ARHGEF10L: variants seen among roughly 807,000 people sequenced by gnomAD.
The protein encoded by ARHGEF10L is rho guanine nucleotide exchange factor 10-like protein.
A neutral mutation model predicts 141.2 loss-of-function variants in ARHGEF10L; 69 were observed. That is an observed-to-expected ratio of 0.49 (90% CI 0.40 to 0.60). The LOEUF (loss-of-function observed/expected upper bound fraction) is 0.60, where lower values mean the gene tolerates loss of function less well. Ranked by LOEUF, ARHGEF10L falls within the 20% of genes least tolerant of loss-of-function variation. ARHGEF10L has a pLI of 0.00. For missense variants in ARHGEF10L, 1,482 were observed against 1,734.3 expected (o/e 0.85, Z 2.58); for synonymous variants, 711 against 718.5 (o/e 0.99, Z 0.17).
chr1:17,592,104 C>T (rs548446837), intron 4 of ARHGEF10L, among the ~76,000 whole-genome samples: 3 of 152,218 alleles, frequency 2.0e-5, no homozygotes, highest in South Asian at 2.1e-4. Flanking sequence ...CTGGGGGAGT[C>T]GTGGTTGAAA....
intron 2 of ARHGEF10L, among the ~76,000 whole-genome samples, chr1:17,581,309 C>CAAAAAAAAA (rs71014975): frequency 2.2e-4 from 15 of 69,206 alleles, no homozygotes; most frequent in East Asian, 1.0e-3. Flanking sequence ...AAGACTGTCT[C>CAAAAAAAAA]AAAAAAAAAA....
At chr1:17,613,712 AT>A (rs2059660191) in intron 8 of ARHGEF10L, among the ~76,000 whole-genome samples, 1 of 152,254 alleles carries the variant, frequency 6.6e-6, no homozygotes. Context: ...AAACTTTTGG[AT>A]GATGATATCG....
chr1:17,692,578 A>G (rs1343905195), intron 27 of ARHGEF10L, among the ~76,000 whole-genome samples: 5 of 152,066 alleles, frequency 3.3e-5, no homozygotes, highest in Non-Finnish European at 7.4e-5. Flanking sequence ...AAACAGGTCT[A>G]AAACAGGTTG....
intron 1 of ARHGEF10L, among the ~76,000 whole-genome samples, chr1:17,567,295 CAA>C (rs2077796150): frequency 6.6e-6 from 1 of 152,190 alleles, no homozygotes; most frequent in South Asian, 2.1e-4. Context: ...GCTCCTGTGT[CAA>C]GTGACATTGG....
intron 26 of ARHGEF10L, among the ~76,000 whole-genome samples, chr1:17,676,854 T>A (rs2063755301): frequency 6.6e-6 from 1 of 151,744 alleles, no homozygotes; most frequent in African/African-American, 2.4e-5. Flanking sequence ...TCTCAGGCTG[T>A]CTTCTGATTG....
At chr1:17,688,136 A>G (rs1056250749) in intron 27 of ARHGEF10L, among the ~76,000 whole-genome samples, 4 of 152,212 alleles carry the variant, frequency 2.6e-5, no homozygotes, top group African/African-American at 9.6e-5. Flanking sequence ...GGATGAGGTG[A>G]TGGGAAAGTG....
At position 17,656,855 on chromosome 1, in the gene ARHGEF10L, G is replaced by A. The variant is rs1039492666; in HGVS notation, c.2860+147G>A. The A allele has an allele frequency of 1.4e-5, 14 of 1,030,274 alleles. No homozygotes were observed. The highest frequency in any genetic ancestry group is 8.1e-5 in the African/African-American group (5 of 61,966). 63.8% of individuals were successfully genotyped at this position (1,030,274 alleles called of 1,614,324 possible). A position where few individuals can be genotyped will look rare whatever the true frequency, so the allele number is the denominator to read the frequency against. ...GGGCATTTGGAGATCCGTGAGCCCCGCTGGGGTTCAATGGGTGGTCCCCCA... is the reference window on the plus strand; with the variant it reads ...GGGCATTTGGAGATCCGTGAGCCCCACTGGGGTTCAATGGGTGGTCCCCCA... On this transcript the variant is annotated intron_variant, in intron 25 of 28. Transcript: ENST00000361221. This position sits in a 1 kb window ranked among gnomAD's most constrained non-coding sequence, Gnocchi z 4.9.
chr1:17,659,097 G>A (rs992280924), intron 25 of ARHGEF10L, among the ~76,000 whole-genome samples: 2 of 152,208 alleles, frequency 1.3e-5, no homozygotes, highest in African/African-American at 4.8e-5. Flanking sequence ...TCAGGGAGTA[G>A]AGAGGCATGT....
chr1:17,640,048 G>A, intron 20 of ARHGEF10L, 154 bp from the exon 21 acceptor site: 1 of 1,471,248 alleles, frequency 6.8e-7, no homozygotes, highest in Non-Finnish European at 9.0e-7. Flanking sequence ...GCTTTGCCAA[G>A]CCACTGACCT....
intron 27 of ARHGEF10L, chr1:17,689,872 A>G: frequency 4.4e-6 from 2 of 456,032 alleles, no homozygotes; most frequent in Non-Finnish European, 8.8e-6. Context: ...GGGAGGCAGG[A>G]TGTGTGGACA....
intron 26 of ARHGEF10L, among the ~76,000 whole-genome samples, chr1:17,665,727 A>G (rs1327342159): frequency 6.6e-6 from 1 of 152,186 alleles, no homozygotes; most frequent in Non-Finnish European, 1.5e-5. Context: ...GAGGAACAGA[A>G]CCAATGGAAC....
At chr1:17,613,463 C>T (rs897114328) in intron 8 of ARHGEF10L, among the ~76,000 whole-genome samples, 3 of 152,194 alleles carry the variant, frequency 2.0e-5, no homozygotes, top group Non-Finnish European at 4.4e-5. Flanking sequence ...AACTTTAGGA[C>T]CCTTGCAATC....
chr1:17,616,225 G>A, intron 9 of ARHGEF10L, 23 bp downstream of exon 9: 2 of 1,597,232 alleles, frequency 1.3e-6, no homozygotes, highest in East Asian at 2.2e-5. Flanking sequence ...CCGAGCGGGA[G>A]GGTCTGGTGC....
intron 21 of ARHGEF10L, among the ~76,000 whole-genome samples, chr1:17,641,645 A>AAACAG (rs2061333933): frequency 6.6e-6 from 1 of 151,540 alleles, no homozygotes. Context: ...AAACAAAACA[A>AAACAG]AACACAACAA....
intron 1 of ARHGEF10L, among the ~76,000 whole-genome samples, chr1:17,545,653 G>C (rs1307207621): frequency 6.6e-6 from 1 of 152,178 alleles, no homozygotes; most frequent in Non-Finnish European, 1.5e-5. Context: ...TGATGTCCAG[G>C]ACATGGGTGG....
the ARHGEF10L span, among the ~76,000 whole-genome samples, chr1:17,526,283 T>C: frequency 8.5e-5 from 13 of 152,138 alleles, no homozygotes; most frequent in Non-Finnish European, 1.9e-4. Flanking sequence ...AAGACTGGAG[T>C]GATCTCTGTA....
intron 25 of ARHGEF10L, among the ~76,000 whole-genome samples, chr1:17,660,445 C>T (rs1006881343): frequency 1.7e-4 from 26 of 152,200 alleles, no homozygotes; most frequent in African/African-American, 6.3e-4. Flanking sequence ...GTAGACATGG[C>T]AATTCCCACG....
chr1:17,561,347 G>C (rs186139756), intron 1 of ARHGEF10L, among the ~76,000 whole-genome samples: 1 of 152,166 alleles, frequency 6.6e-6, no homozygotes, highest in Admixed American at 6.5e-5. Flanking sequence ...GGGCAGAAGC[G>C]GGCGTCAGCT....
chr1:17,613,225 C>A (rs1262191910), intron 8 of ARHGEF10L, 51 bp downstream of exon 8: 15 of 1,469,310 alleles, frequency 1.0e-5, no homozygotes, highest in African/African-American at 5.5e-5. Flanking sequence ...TTTCCAGCTG[C>A]AGCTACCTCC....
Sources: allele counts gnomAD v4.1 joint callset (sites outside exome capture counted in the v4.1 genomes callset), GRCh38; gene constraint gnomAD v4.1.1; non-coding constraint Gnocchi (gnomAD v3.1); transcripts MANE v1.5; gene names NCBI Gene and HGNC (gene_info 2026-07-23, HGNC 2026-07-21).